The following TSPAN8 variants were observed in gnomAD, a reference collection of about 807,000 sequenced individuals.
TSPAN8 encodes the protein tetraspanin 8.
In TSPAN8, 21 loss-of-function variants were observed where a neutral mutation model predicts 32.8. That is an observed-to-expected ratio of 0.64 (90% CI 0.45 to 0.92). TSPAN8 has a LOEUF of 0.92. Among genes scored for constraint, TSPAN8 ranks in the 40% least tolerant of loss-of-function variants. The probability of loss-of-function intolerance (pLI) is 0.00; values close to 1 mark genes in which losing one functional copy is unlikely to be tolerated. For missense variants in TSPAN8, 269 were observed against 281.9 expected, an observed-to-expected ratio of 0.95 and a Z score of 0.33; for synonymous variants, 95 against 94.6, an observed-to-expected ratio of 1.00 and a Z score of -0.03.
At chr12:71,139,936 A>C in intron 3 of TSPAN8, 88 bp from the exon 4 acceptor site, 1 of 1,250,766 alleles carries the variant, frequency 8.0e-7, no homozygotes, top group Non-Finnish European at 1.1e-6. Context: ...AGTGCCTCCT[A>C]TGTGTCAAGT....
chr12:71,157,769 GA>G lies in TSPAN8; in HGVS notation c.-92del. The G allele has an allele frequency of 1.0e-6, 1 of 952,892 alleles. No individual in the cohort carries two copies. Among genetic ancestry groups the G allele is most frequent in the East Asian group, 2.4e-5 (1 of 41,782 alleles). The allele number at this position is 952,892 out of a possible 1,614,324, so 59.0% of individuals were successfully genotyped here. On this transcript the variant is annotated 5_prime_UTR_variant, in exon 2 of 9. An upstream open reading frame in the 5' UTR gains an earlier in-frame stop. Coordinates refer to ENST00000247829, the MANE Select transcript of TSPAN8 (RefSeq NM_004616.3). ...TATGCTCTGGAGCAACTTGCCTGCA[GA>G]GATTTCTGTATCCACGGCTTCAGAG...
chr12:71,125,140 T>C lies in TSPAN8; in HGVS notation c.*194A>G. 2.0e-6 allele frequency: 1 copy of C among 488,326 alleles called. No individual in the cohort carries two copies. The highest frequency in any genetic ancestry group is 3.6e-6 in the Non-Finnish European group (1 of 275,110). The allele number at this position is 488,326 out of a possible 1,614,324, so 30.2% of individuals were successfully genotyped here. A position where few individuals can be genotyped will look rare whatever the true frequency, so the allele number is the denominator to read the frequency against. ...TATTTTGAGTAAAAATACACATTCA[T>C]ATCATTTTCCCTTATATCCCTCAAA... On this transcript the variant is annotated 3_prime_UTR_variant, in exon 9 of 9. Coordinates refer to ENST00000247829, the MANE Select transcript of TSPAN8 (RefSeq NM_004616.3).
intron 2 of TSPAN8, 26 bp downstream of exon 2, chr12:71,157,593 T>C (rs963730960): frequency 9.3e-6 from 14 of 1,506,426 alleles, no homozygotes; most frequent in Non-Finnish European, 1.2e-5. Flanking sequence ...TTGCATAAAA[T>C]TGATAATTAA....
chr12:71,133,352 T>C (rs1871581655), intron 6 of TSPAN8, among the ~76,000 whole-genome samples: 1 of 152,206 alleles, frequency 6.6e-6, no homozygotes, highest in South Asian at 2.1e-4. Flanking sequence ...CCCAAAGTGC[T>C]GGGATTCCAG....
At chr12:71,153,820 G>C (rs1872332964) in intron 2 of TSPAN8, among the ~76,000 whole-genome samples, 1 of 152,008 alleles carries the variant, frequency 6.6e-6, no homozygotes, top group African/African-American at 2.4e-5. Flanking sequence ...AGTTATCACT[G>C]GTTTTTATAA....
At chr12:71,154,073 CAGA>C (rs1206449912) in intron 2 of TSPAN8, among the ~76,000 whole-genome samples, 3 of 152,084 alleles carry the variant, frequency 2.0e-5, no homozygotes, top group African/African-American at 7.2e-5. Flanking sequence ...CTTTAGGAGG[CAGA>C]AGTAGATGGA....
At chr12:71,139,893 A>T (rs746961885) in intron 3 of TSPAN8, 45 bp from the exon 4 acceptor site, 2 of 1,586,790 alleles carry the variant, frequency 1.3e-6, no homozygotes, top group Admixed American at 3.5e-5. Context: ...ATTTCCTTGA[A>T]GTTTATTTTG....
chr12:71,126,568 C>CA (rs1485711331), intron 8 of TSPAN8, among the ~76,000 whole-genome samples: 1 of 151,128 alleles, frequency 6.6e-6, no homozygotes, highest in Non-Finnish European at 1.5e-5. Flanking sequence ...TATGATTGTT[C>CA]AAAAAAAAGC....
intron 2 of TSPAN8, among the ~76,000 whole-genome samples, chr12:71,146,924 G>A (rs917936035): frequency 6.6e-6 from 1 of 152,216 alleles, no homozygotes; most frequent in East Asian, 1.9e-4. Flanking sequence ...TGAAGATGGG[G>A]TTATAATCTG....
intron 2 of TSPAN8, among the ~76,000 whole-genome samples, chr12:71,150,546 T>G (rs889063082): frequency 6.6e-6 from 1 of 152,250 alleles, no homozygotes; most frequent in South Asian, 2.1e-4. Flanking sequence ...AGCTGTAAAA[T>G]TCTTCTCTTT....
At chr12:71,151,992 G>T (rs773868102) in intron 2 of TSPAN8, among the ~76,000 whole-genome samples, 1 of 152,184 alleles carries the variant, frequency 6.6e-6, no homozygotes, top group Non-Finnish European at 1.5e-5. Flanking sequence ...ATAAAATACT[G>T]TCACAGTATA....
intron 6 of TSPAN8, among the ~76,000 whole-genome samples, chr12:71,134,081 C>T (rs1013789837): frequency 6.6e-6 from 1 of 152,118 alleles, no homozygotes; most frequent in Non-Finnish European, 1.5e-5. Context: ...AGTTTAACCT[C>T]TGTGCCAAAG....
At chr12:71,138,666 C>T (rs1659405447) in intron 4 of TSPAN8, among the ~76,000 whole-genome samples, 1 of 152,176 alleles carries the variant, frequency 6.6e-6, no homozygotes, top group African/African-American at 2.4e-5. Flanking sequence ...AAATCGGCTT[C>T]AGATATGCTG....
intron 2 of TSPAN8, among the ~76,000 whole-genome samples, chr12:71,145,678 A>G (rs979866200): frequency 6.6e-6 from 1 of 152,200 alleles, no homozygotes; most frequent in African/African-American, 2.4e-5. Context: ...TGTGAGTGAT[A>G]ATTTATGTCA....
chr12:71,145,921 T>C (rs1410801024), intron 2 of TSPAN8, among the ~76,000 whole-genome samples: 1 of 152,198 alleles, frequency 6.6e-6, no homozygotes, highest in East Asian at 1.9e-4. Flanking sequence ...GAAAAAACTT[T>C]AAGAATTCTT....
chr12:71,150,868 C>G (rs1382206291), intron 2 of TSPAN8, among the ~76,000 whole-genome samples: 1 of 152,118 alleles, frequency 6.6e-6, no homozygotes, highest in Non-Finnish European at 1.5e-5. Flanking sequence ...TTGCCTGCCA[C>G]CATGTAAGAT....
chr12:71,146,808 G>A (rs1872091966), intron 2 of TSPAN8, among the ~76,000 whole-genome samples: 1 of 152,122 alleles, frequency 6.6e-6, no homozygotes, highest in South Asian at 2.1e-4. Context: ...TGCTTATAAT[G>A]GACTGAATTG....
chr12:71,132,545 T>G, intron 7 of TSPAN8, 148 bp downstream of exon 7: 1 of 943,608 alleles, frequency 1.1e-6, no homozygotes, highest in Non-Finnish European at 1.5e-6. Flanking sequence ...TATCTTTAAA[T>G]AAGGATTTTT....
intron 2 of TSPAN8, among the ~76,000 whole-genome samples, chr12:71,152,400 C>A (rs950498686): frequency 3.3e-5 from 5 of 152,174 alleles, no homozygotes; most frequent in African/African-American, 1.2e-4. Flanking sequence ...TTACATATTT[C>A]TGCTTCATAA....
Sources: allele counts gnomAD v4.1 joint callset (sites outside exome capture counted in the v4.1 genomes callset), GRCh38; gene constraint gnomAD v4.1.1; transcripts MANE v1.5; gene names NCBI Gene and HGNC (gene_info 2026-07-23, HGNC 2026-07-21).